Variants in RBPJ observed in about 807,000 individuals in gnomAD.
The protein encoded by RBPJ is recombining binding protein suppressor of hairless.
A neutral mutation model predicts 67.8 loss-of-function variants in RBPJ; 9 were observed. The observed-to-expected ratio is 0.13, with a 90% CI of 0.08 to 0.23. The LOEUF is 0.23. Among genes scored for constraint, RBPJ ranks in the 10% least tolerant of loss-of-function variants. RBPJ has a pLI of 1.00. For synonymous variants in RBPJ, 198 were observed against 203.3 expected, an observed-to-expected ratio of 0.97 and a Z score of 0.22; for missense variants, 305 against 595.6, an observed-to-expected ratio of 0.51 and a Z score of 5.08.
chr4:26,374,713 A>T (rs1443852948), intron 1 of RBPJ, among the ~76,000 whole-genome samples: 4 of 151,824 alleles, frequency 2.6e-5, no homozygotes, highest in African/African-American at 4.8e-5. Context: ...TGACCTAGTG[A>T]TCCACCTGCC....
chr4:26,254,048 A>G (rs1720211146), intron 1 of RBPJ, among the ~76,000 whole-genome samples: 1 of 148,686 alleles, frequency 6.7e-6, no homozygotes, highest in African/African-American at 2.6e-5. Flanking sequence ...CAAGTTTGGG[A>G]ACATGCCCCA....
intron 1 of RBPJ, among the ~76,000 whole-genome samples, chr4:26,330,909 C>G (rs568162725): frequency 2.0e-5 from 3 of 152,162 alleles, no homozygotes; most frequent in Non-Finnish European, 4.4e-5. Context: ...AGAAAGGTAA[C>G]TACATCCTGT....
chr4:26,259,894 T>C (rs555958791), intron 1 of RBPJ, among the ~76,000 whole-genome samples: 1 of 152,334 alleles, frequency 6.6e-6, no homozygotes, highest in Non-Finnish European at 1.5e-5. Context: ...ACTTGGGGCA[T>C]TATCCCCACA....
At chr4:26,337,883 C>T (rs1362770309) in intron 1 of RBPJ, among the ~76,000 whole-genome samples, 1 of 151,816 alleles carries the variant, frequency 6.6e-6, no homozygotes, top group African/African-American at 2.4e-5. Flanking sequence ...GAGAGCAACT[C>T]ACCACGTTGC....
At chr4:26,396,608 G>A (rs376386533) in intron 2 of RBPJ, among the ~76,000 whole-genome samples, 31 of 152,354 alleles carry the variant, frequency 2.0e-4, no homozygotes, top group African/African-American at 7.2e-4. Context: ...GAACACAGAT[G>A]TGTTGATGAC....
chr4:26,148,917 T>C, the RBPJ span, among the ~76,000 whole-genome samples: 2 of 152,194 alleles, frequency 1.3e-5, no homozygotes, highest in Non-Finnish European at 2.9e-5. Context: ...ACCTTTCCCC[T>C]GAGAAATTTA....
At chr4:26,166,069 AGTATTCCATG>A (rs1716280969) in intron 1 of RBPJ, among the ~76,000 whole-genome samples, 1 of 149,650 alleles carries the variant, frequency 6.7e-6, no homozygotes, top group East Asian at 2.0e-4. Context: ...ATGGCTGCAT[AGTATTCCATG>A]GTGTATATGT....
intron 1 of RBPJ, among the ~76,000 whole-genome samples, chr4:26,366,671 C>G (rs1224926817): frequency 1.3e-5 from 2 of 152,038 alleles, no homozygotes; most frequent in African/African-American, 4.8e-5. Flanking sequence ...CTGCCTGCCT[C>G]GGCTTCCCAA....
chr4:26,412,730 T>TA (rs994295414), intron 3 of RBPJ, among the ~76,000 whole-genome samples: 7 of 151,930 alleles, frequency 4.6e-5, no homozygotes, highest in South Asian at 2.1e-4. Flanking sequence ...AATGTTCAAT[T>TA]AAAAAAAACA....
intron 1 of RBPJ, among the ~76,000 whole-genome samples, chr4:26,250,622 G>A (rs1006538308): frequency 5.9e-5 from 9 of 152,116 alleles, no homozygotes; most frequent in South Asian, 4.1e-4. Flanking sequence ...GTGAGCCACC[G>A]CACCTGGCAT....
At chr4:26,350,490 C>T (rs1726679647) in intron 1 of RBPJ, among the ~76,000 whole-genome samples, 1 of 152,080 alleles carries the variant, frequency 6.6e-6, no homozygotes. Flanking sequence ...TTAAAAGAGA[C>T]ATCTGAACAT....
intron 1 of RBPJ, among the ~76,000 whole-genome samples, chr4:26,374,127 A>G (rs1423428196): frequency 6.6e-6 from 1 of 151,758 alleles, no homozygotes; most frequent in African/African-American, 2.4e-5. Flanking sequence ...TTTAGTAGAG[A>G]CGGAGTTTCA....
rs897964346 is a variant in RBPJ at position 26,431,184 on chromosome 4, T to TAAAAAAAAAAAAAAAAAAAAAAAA, written c.*181_*204dup. The TAAAAAAAAAAAAAAAAAAAAAAAA allele has an allele frequency of 9.8e-5, 4 of 40,666 alleles. No homozygotes were observed. Among genetic ancestry groups the TAAAAAAAAAAAAAAAAAAAAAAAA allele is most frequent in the African/African-American group, 2.3e-4 (2 of 8,880 alleles). The allele number at this position is 40,666 out of a possible 1,614,324, so 2.5% of individuals were successfully genotyped here. A position where few individuals can be genotyped will look rare whatever the true frequency, so the allele number is the denominator to read the frequency against. On this transcript the variant is annotated 3_prime_UTR_variant, in exon 11 of 11. Transcript: ENST00000355476. ...CTGATTTGAAATGCAGAAGCCACAG[T>TAAAAAAAAAAAAAAAAAAAAAAAA]AAAAAAAAAAAAAAAAAAAAAAAAA...
rs140006689 is a variant in RBPJ, at chr4:26,292,951, T to C, written c.-166-69495T>C. ...GGCATGCAGATATCACTTTGATATA[T>C]GGTTTCCTTCTGATGTTATACCCAG... On this transcript the variant is annotated intron_variant, in intron 1 of 4. Transcript: ENST00000512351. Among the ~76,000 whole-genome samples, 13 of 150,918 alleles carry C rather than the reference T, an allele frequency of 8.6e-5. 2 individuals carry two copies. The highest frequency in any genetic ancestry group is 3.4e-3 in the Middle Eastern group (1 of 294).
chr4:26,120,340 A>C, the RBPJ span, among the ~76,000 whole-genome samples: 1 of 152,220 alleles, frequency 6.6e-6, no homozygotes, highest in Non-Finnish European at 1.5e-5. Flanking sequence ...TAAATAGCTA[A>C]GTACCACTAC....
At chr4:26,400,793 C>T (rs1012137577) in intron 2 of RBPJ, among the ~76,000 whole-genome samples, 4 of 152,188 alleles carry the variant, frequency 2.6e-5, no homozygotes, top group Non-Finnish European at 4.4e-5. Flanking sequence ...AGCTGTCACC[C>T]TGCATTCATC....
the RBPJ span, among the ~76,000 whole-genome samples, chr4:26,156,215 A>AGTGTATAT: frequency 4.6e-5 from 7 of 152,288 alleles, no homozygotes; most frequent in East Asian, 1.4e-3. Context: ...TGTTATTGTT[A>AGTGTATAT]ATGCAGTGTA....
intron 1 of RBPJ, among the ~76,000 whole-genome samples, chr4:26,282,134 CTCTTT>C (rs1553856624): frequency 0.01 from 1,274 of 126,476 alleles, 8 homozygotes; most frequent in African/African-American, 0.034. Context: ...CTCTCTCTCT[CTCTTT>C]TTTTTTTTTT....
intron 1 of RBPJ, among the ~76,000 whole-genome samples, chr4:26,292,737 T>A (rs1193265617): frequency 6.6e-6 from 1 of 150,554 alleles, no homozygotes; most frequent in Non-Finnish European, 1.5e-5. Flanking sequence ...CCTAACAGAA[T>A]AACATTCTAT....
Sources: gnomAD v4.1 joint callset for allele counts (sites outside exome capture counted in the v4.1 genomes callset) on GRCh38, gnomAD v4.1.1 for gene constraint, MANE v1.5 for transcripts, NCBI Gene and HGNC (gene_info 2026-07-23, HGNC 2026-07-21) for gene names.